MED13: variants seen among roughly 807,000 people sequenced by gnomAD.
The protein encoded by MED13 is mediator of RNA polymerase II transcription subunit 13.
In MED13, 23 loss-of-function variants were observed where a neutral mutation model predicts 225.2. That is an observed-to-expected ratio of 0.10 (90% CI 0.07 to 0.14). The LOEUF (loss-of-function observed/expected upper bound fraction) is 0.14. Ranked by LOEUF, MED13 falls within the 10% of genes least tolerant of loss-of-function variation. The probability of loss-of-function intolerance (pLI) is 1.00; values close to 1 mark genes in which losing one functional copy is unlikely to be tolerated. For missense variants in MED13, 2,197 were observed against 2,594.5 expected, an observed-to-expected ratio of 0.85 and a Z score of 3.33; for synonymous variants, 942 against 889.2, an observed-to-expected ratio of 1.06 and a Z score of -1.06.
chr17:62,036,301 G>T (rs1001558909), intron 3 of MED13, among the ~76,000 whole-genome samples: 3 of 151,918 alleles, frequency 2.0e-5, no homozygotes, highest in South Asian at 2.1e-4. Context: ...GCAATAATGG[G>T]TCTTACAGTT....
chr17:62,021,109 C>T (rs1390152219), intron 8 of MED13, among the ~76,000 whole-genome samples: 2 of 151,376 alleles, frequency 1.3e-5, no homozygotes, highest in Admixed American at 1.3e-4. Flanking sequence ...GACACGGCAA[C>T]CATCCGATTT....
chr17:61,979,346 G>A (rs2080183843), intron 16 of MED13, among the ~76,000 whole-genome samples: 1 of 152,042 alleles, frequency 6.6e-6, no homozygotes, highest in Admixed American at 6.6e-5. Context: ...ATCTCACTCT[G>A]TCAAATAGGC....
At chr17:61,990,627 G>GTATATATATATATATATATATATA (rs5821345) in intron 11 of MED13, among the ~76,000 whole-genome samples, 13 of 138,998 alleles carry the variant, frequency 9.4e-5, no homozygotes, top group African/African-American at 2.2e-4. Context: ...GGCGCACTGT[G>GTATATATATATATATATATATATA]TATATATATA....
chr17:61,946,163 A>T lies in MED13; in HGVS notation c.*305T>A, dbSNP rs2143266318. 4.5e-6 allele frequency: 1 copy of T among 224,498 alleles called. No individual in the cohort carries two copies. The highest frequency in any genetic ancestry group is 1.7e-3 in the Middle Eastern group (1 of 576). The allele number at this position is 224,498 out of a possible 1,614,324, so 13.9% of individuals were successfully genotyped here. A position where few individuals can be genotyped will look rare whatever the true frequency, so the allele number is the denominator to read the frequency against. On this transcript the variant is annotated 3_prime_UTR_variant, in exon 30 of 30. Coordinates refer to ENST00000397786, the MANE Select transcript of MED13 (RefSeq NM_005121.3). ...ATGCTTTTAATATTCATTTAACATG[A>T]CTGGGTACTATGGCTCATTACTTTT...
At chr17:61,972,640 G>A in intron 17 of MED13, 87 bp downstream of exon 17, 1 of 1,230,526 alleles carries the variant, frequency 8.1e-7, no homozygotes, top group Non-Finnish European at 1.1e-6. Context: ...TATATTTAAA[G>A]AAAACTAATG....
chr17:61,997,771 A>G (rs1368083757), intron 9 of MED13, among the ~76,000 whole-genome samples: 1 of 152,188 alleles, frequency 6.6e-6, no homozygotes, highest in African/African-American at 2.4e-5. Context: ...TACTCTCTGT[A>G]GAGACAAATA....
rs1285819992 is a variant in MED13, at chr17:61,950,924, G to C, written c.6192C>G (p.Ala2064=). 6.2e-7 allele frequency: 1 copy of C among 1,613,932 alleles called. No individual in the cohort carries two copies. The highest frequency in any genetic ancestry group is 8.5e-7 in the Non-Finnish European group (1 of 1,179,902). ...EVPNILQQPL[A]LGYFVSTAKA... is the part of the protein sequence containing the mutation. The stretch of plus-strand genomic sequence containing the variant: ...TGGCAGTTGATACAAAGTAACCAAG[G>C]GCCAATGGTTGCTGAAGAATATTAG... Residue 2064 remains alanine (A), a synonymous_variant, in exon 28 of 30, where the codon GCC becomes GCG. Coordinates refer to ENST00000397786, the MANE Select transcript of MED13 (RefSeq NM_005121.3).
At chr17:62,064,269 T>A (rs535611740) in intron 1 of MED13, among the ~76,000 whole-genome samples, 2 of 152,252 alleles carry the variant, frequency 1.3e-5, no homozygotes, top group East Asian at 3.9e-4. Context: ...ACAGGACAAG[T>A]TATTTGCAAC....
chr17:61,980,932 G>T (rs1246304527), intron 16 of MED13, among the ~76,000 whole-genome samples: 1 of 151,830 alleles, frequency 6.6e-6, no homozygotes, highest in African/African-American at 2.4e-5. Context: ...CACCATATTG[G>T]GCAGGCTGGT....
chr17:61,994,863 A>G (rs1363669087), intron 10 of MED13, among the ~76,000 whole-genome samples: 1 of 151,962 alleles, frequency 6.6e-6, no homozygotes, highest in East Asian at 1.9e-4. Flanking sequence ...GGCGCACACC[A>G]CCACACCCAG....
rs529398391 is a variant in MED13 at position 61,943,838 on chromosome 17, T to C, written c.*2630A>G. The stretch of plus-strand genomic sequence containing the variant: ...TTCCACCCTGCTTAATAATCATGGA[T>C]ACCTGCACAAAAAAAAAGATGTTAG... On this transcript the variant is annotated 3_prime_UTR_variant, in exon 30 of 30. Transcript: ENST00000397786. The C allele has an allele frequency of 6.6e-6, 1 of 152,632 alleles. No individual in the cohort carries two copies. The highest frequency in any genetic ancestry group is 2.1e-4 in the South Asian group (1 of 4,818). 9.5% of individuals were successfully genotyped at this position (152,632 alleles called of 1,614,324 possible).
chr17:62,044,746 T>C (rs1206220153), intron 3 of MED13, among the ~76,000 whole-genome samples: 1 of 152,222 alleles, frequency 6.6e-6, no homozygotes, highest in African/African-American at 2.4e-5. Context: ...CACTGCAACC[T>C]CCACCTCCCG....
intron 3 of MED13, among the ~76,000 whole-genome samples, chr17:62,040,524 TGCTAGATTAG>T (rs1039992208): frequency 1.3e-5 from 2 of 152,218 alleles, no homozygotes; most frequent in African/African-American, 4.8e-5. Context: ...TCCATATGTA[TGCTAGATTAG>T]GCAGTGCCAC....
chr17:61,970,574 C>G lies in MED13; in HGVS notation c.3967+2153G>C, dbSNP rs182505794. The stretch of plus-strand genomic sequence containing the variant: ...ATGCATGCCTGTAATCCCAGCTACT[C>G]GTGAGGCTGATGCATGAGAACTGCT... On this transcript the variant is annotated intron_variant, in intron 17 of 29. Coordinates refer to ENST00000397786, the MANE Select transcript of MED13 (RefSeq NM_005121.3). 2.7e-3 allele frequency among the ~76,000 whole-genome samples: 395 copies of G among 147,504 alleles called. 3 individuals carry two copies. The highest frequency in any genetic ancestry group is 3.0e-3 in the Non-Finnish European group (199 of 67,328).
intron 12 of MED13, among the ~76,000 whole-genome samples, chr17:61,986,527 T>G (rs1013690146): frequency 6.6e-6 from 1 of 152,208 alleles, no homozygotes; most frequent in Non-Finnish European, 1.5e-5. Flanking sequence ...TTTTTTCCTC[T>G]TTTATTGTTA....
chr17:62,055,858 A>G (rs1603410202), intron 2 of MED13, among the ~76,000 whole-genome samples: 1 of 152,152 alleles, frequency 6.6e-6, no homozygotes, highest in Non-Finnish European at 1.5e-5. Flanking sequence ...TTAGAAAAGT[A>G]ATCAGTATTA....
chr17:61,993,637 A>G (rs900038119), intron 10 of MED13, among the ~76,000 whole-genome samples: 1 of 151,396 alleles, frequency 6.6e-6, no homozygotes, highest in Non-Finnish European at 1.5e-5. Flanking sequence ...TGTATTAAAC[A>G]TATTATTGGG....
At chr17:61,949,178 A>T (rs538820723) in intron 28 of MED13, among the ~76,000 whole-genome samples, 100 of 151,982 alleles carry the variant, frequency 6.6e-4, no homozygotes, top group Non-Finnish European at 1.2e-3. Flanking sequence ...TAGGGCTTTT[A>T]TATCTCATTT....
intron 28 of MED13, among the ~76,000 whole-genome samples, chr17:61,950,385 G>T (rs910719655): frequency 3.1e-4 from 45 of 142,928 alleles, no homozygotes; most frequent in African/African-American, 8.9e-4. Context: ...AAAACTAGTT[G>T]TTTTTTTTTT....
Sources: gnomAD v4.1 joint callset for allele counts (sites outside exome capture counted in the v4.1 genomes callset) on GRCh38, gnomAD v4.1.1 for gene constraint, MANE v1.5 for transcripts, NCBI Gene and HGNC (gene_info 2026-07-23, HGNC 2026-07-21) for gene names.